The following MCC variants were observed in gnomAD, a reference collection of about 807,000 sequenced individuals.
MCC encodes the protein colorectal mutant cancer protein.
In MCC, 90 loss-of-function variants were observed where a neutral mutation model predicts 116.2. That is an observed-to-expected ratio of 0.77 (90% CI 0.65 to 0.92). The LOEUF (loss-of-function observed/expected upper bound fraction) is 0.92, where lower values mean the gene tolerates loss of function less well. Among genes scored for constraint, MCC ranks in the 40% least tolerant of loss-of-function variants. MCC has a pLI of 0.00. For synonymous variants in MCC, 578 were observed against 510.5 expected (o/e 1.13, Z -1.78); for missense variants, 1,516 against 1,312.2 (o/e 1.16, Z -2.40).
chr5:113,434,211 A>C lies in MCC; in HGVS notation c.171-48999T>G. 6.2e-7 allele frequency: 1 copy of C among 1,614,062 alleles called. No homozygotes were observed. Among genetic ancestry groups the C allele is most frequent in the Non-Finnish European group, 8.5e-7 (1 of 1,179,966 alleles). ...GTCGTCGTAGGGCATGGAGCCGCAG[A>C]CCATGATGTAGAGGATCACGCCTAG... On this transcript the variant is annotated intron_variant, in intron 1 of 18. Transcript: ENST00000408903. The surrounding 1 kb of genome is among the most constrained non-coding windows in gnomAD (Gnocchi z 4.2).
chr5:113,094,423 CTT>C (rs397798890), intron 8 of MCC, among the ~76,000 whole-genome samples: 12 of 134,688 alleles, frequency 8.9e-5, no homozygotes, highest in Non-Finnish European at 8.0e-5. Context: ...GGCAATCTTC[CTT>C]TTTTTTTTTT....
rs371586200 is a variant in MCC at position 113,322,801 on chromosome 5, T to C, written c.627+17718A>G. 7.2e-5 allele frequency among the ~76,000 whole-genome samples: 11 copies of C among 152,190 alleles called. 1 individual carries two copies. The highest frequency in any genetic ancestry group is 4.1e-4 in the South Asian group (2 of 4,830). ...AAACAAGTAAGCAATGAATTGGTAA[T>C]AGTTAGAAAACTAAGTGATCAAGAT... On this transcript the variant is annotated intron_variant, in intron 3 of 18. Transcript: ENST00000408903.
chr5:113,320,132 C>T (rs1319296522), intron 3 of MCC, among the ~76,000 whole-genome samples: 1 of 152,186 alleles, frequency 6.6e-6, no homozygotes, highest in African/African-American at 2.4e-5. Context: ...ATTTGACTCA[C>T]TAGTATGCTT....
intron 3 of MCC, among the ~76,000 whole-genome samples, chr5:113,160,347 A>G (rs1050926416): frequency 6.6e-6 from 1 of 152,222 alleles, no homozygotes; most frequent in African/African-American, 2.4e-5. Flanking sequence ...TCCCCTGAAA[A>G]TATGTCCCAT....
intron 17 of MCC, among the ~76,000 whole-genome samples, chr5:113,042,052 A>C (rs1052441697): frequency 2.0e-5 from 3 of 152,100 alleles, no homozygotes; most frequent in African/African-American, 7.2e-5. Flanking sequence ...AAATACAAGA[A>C]TGAACACACA....
At chr5:113,063,273 A>C (rs1262143855) in intron 14 of MCC, among the ~76,000 whole-genome samples, 3 of 152,218 alleles carry the variant, frequency 2.0e-5, no homozygotes, top group Non-Finnish European at 4.4e-5. Context: ...AGGTAAGTAG[A>C]AAGGGTTTTG....
chr5:113,287,022 T>C (rs926163663), intron 3 of MCC, among the ~76,000 whole-genome samples: 5 of 138,942 alleles, frequency 3.6e-5, no homozygotes. Context: ...CTTGCTTTTT[T>C]CTTTTTTTCA....
chr5:113,463,420 G>A (rs1425398454), intron 1 of MCC, among the ~76,000 whole-genome samples: 1 of 152,184 alleles, frequency 6.6e-6, no homozygotes, highest in East Asian at 1.9e-4. Flanking sequence ...TAATCATAAG[G>A]GAGATGGAAA....
intron 3 of MCC, among the ~76,000 whole-genome samples, chr5:113,172,379 T>G (rs540852101): frequency 3.4e-4 from 52 of 152,332 alleles, no homozygotes; most frequent in African/African-American, 1.3e-3. Flanking sequence ...TTCATTTGCA[T>G]AGAGAACAAG....
rs374222474 is a variant in MCC, at chr5:113,484,616, C to G, written c.170+3629G>C. 2.4e-4 allele frequency among the ~76,000 whole-genome samples: 36 copies of G among 152,240 alleles called. No homozygotes were observed. In the South Asian group the frequency reaches 7.2e-3, roughly 31 times the overall value. On this transcript the variant is annotated intron_variant, in intron 1 of 18. Transcript: ENST00000408903. ...TCAGTACTATGATGGACAATAACGG[C>G]AGGATAAAGCAAATCTATTTTGATA...
chr5:113,372,904 C>A (rs945528388), intron 2 of MCC, among the ~76,000 whole-genome samples: 2 of 150,488 alleles, frequency 1.3e-5, no homozygotes, highest in East Asian at 2.1e-4. Context: ...TCTGTCCGGG[C>A]GTGGTGGCTC....
At chr5:113,394,063 G>C (rs1016351238) in intron 1 of MCC, among the ~76,000 whole-genome samples, 2 of 152,068 alleles carry the variant, frequency 1.3e-5, no homozygotes, top group African/African-American at 2.4e-5. Context: ...ACAATTGACT[G>C]TCATATATTT....
intron 6 of MCC, among the ~76,000 whole-genome samples, chr5:113,120,648 G>T (rs138626401): frequency 1.3e-5 from 2 of 152,206 alleles, no homozygotes; most frequent in African/African-American, 4.8e-5. Context: ...TATACTAGGA[G>T]ATGAAACAAA....
chr5:113,426,693 A>C (rs1245774202), intron 1 of MCC, among the ~76,000 whole-genome samples: 1 of 152,180 alleles, frequency 6.6e-6, no homozygotes, highest in African/African-American at 2.4e-5. Context: ...GAAAAGGTTC[A>C]CTGAAGACAT....
intron 5 of MCC, among the ~76,000 whole-genome samples, chr5:113,137,529 C>G (rs1206154722): frequency 6.6e-6 from 1 of 152,094 alleles, no homozygotes; most frequent in African/African-American, 2.4e-5. Flanking sequence ...ATTTGCATCC[C>G]TATGGTGAAT....
intron 2 of MCC, among the ~76,000 whole-genome samples, chr5:113,372,962 T>C (rs1768873584): frequency 6.6e-6 from 1 of 152,076 alleles, no homozygotes; most frequent in South Asian, 2.1e-4. Context: ...GCGGTTCACG[T>C]GGTCAGGAGA....
intron 2 of MCC, among the ~76,000 whole-genome samples, chr5:113,349,192 T>A (rs1310858090): frequency 6.6e-6 from 1 of 151,970 alleles, no homozygotes; most frequent in African/African-American, 2.4e-5. Context: ...ACTTCCATAC[T>A]CATTCTATGA....
At chr5:113,356,600 C>T (rs1033642822) in intron 2 of MCC, among the ~76,000 whole-genome samples, 8 of 152,006 alleles carry the variant, frequency 5.3e-5, no homozygotes, top group Middle Eastern at 3.2e-3. Context: ...AAAAACCTGC[C>T]GGACACTGAG....
At chr5:113,294,419 C>G (rs374517554) in intron 3 of MCC, 2 of 1,613,450 alleles carry the variant, frequency 1.2e-6, no homozygotes, top group African/African-American at 1.3e-5. Context: ...CTCAGTCCCC[C>G]AGGTCTCGGA....
Sources: allele counts gnomAD v4.1 joint callset (sites outside exome capture counted in the v4.1 genomes callset), GRCh38; gene constraint gnomAD v4.1.1; non-coding constraint Gnocchi (gnomAD v3.1); transcripts MANE v1.5; gene names NCBI Gene and HGNC (gene_info 2026-07-23, HGNC 2026-07-21).